Variants in CTPS2 observed in about 807,000 individuals in gnomAD.
CTPS2 encodes CTP synthase II.
CTPS2 carries 19 observed loss-of-function variants against 46.8 expected under a neutral mutation model. The observed-to-expected ratio is 0.41, with a 90% CI of 0.28 to 0.60. The LOEUF is 0.60. Among genes scored for constraint, CTPS2 ranks in the 20% least tolerant of loss-of-function variants. The pLI, the probability that CTPS2 is intolerant of heterozygous loss-of-function variation, is 0.35. For missense variants in CTPS2, 286 were observed against 447.6 expected, an observed-to-expected ratio of 0.64 and a Z score of 3.26; for synonymous variants, 151 against 165.2, an observed-to-expected ratio of 0.91 and a Z score of 0.66.
intron 14 of CTPS2, among the ~76,000 whole-genome samples, chrX:16,632,342 T>C (rs191100211): frequency 8.9e-6 from 1 of 111,979 alleles, no homozygotes; most frequent in Admixed American, 9.5e-5. Context: ...ATAATTTACA[T>C]GCAACTAAAT....
chrX:16,610,931 C>T (rs930054043), intron 16 of CTPS2, among the ~76,000 whole-genome samples: 3 of 111,829 alleles, frequency 2.7e-5, no homozygotes, highest in East Asian at 2.8e-4. Flanking sequence ...CGAATTAACA[C>T]GGAAACAGAA....
intron 13 of CTPS2, among the ~76,000 whole-genome samples, chrX:16,640,516 A>G (rs59016383): frequency 1.8e-5 from 2 of 111,515 alleles, no homozygotes; most frequent in Non-Finnish European, 3.8e-5. Context: ...TGGGAGAGAC[A>G]GTCAATCTTT....
rs764151165 is a variant in CTPS2, at chrX:16,703,618, A to G, written c.-39-677T>C. 6.7e-4 allele frequency among the ~76,000 whole-genome samples: 75 copies of G among 112,053 alleles called. 1 individual carries two copies. The highest frequency in any genetic ancestry group is 1.1e-3 in the Non-Finnish European group (58 of 53,226). Reference sequence around the variant, plus strand: ...AAGATGCTGATTACAAAAGTGAGCCACCATGCTTCGTCTCACCAAAATTTC... The same window carrying G: ...AAGATGCTGATTACAAAAGTGAGCCGCCATGCTTCGTCTCACCAAAATTTC... On this transcript the variant is annotated intron_variant, in intron 1 of 18. Transcript: ENST00000359276.
chrX:16,679,014 T>C (rs773465329), intron 9 of CTPS2, among the ~76,000 whole-genome samples: 4 of 109,857 alleles, frequency 3.6e-5, no homozygotes, highest in East Asian at 2.9e-4. Flanking sequence ...GATAAGCACG[T>C]GTGTGATGGG....
At chrX:16,698,663 G>C (rs761434748) in intron 3 of CTPS2, among the ~76,000 whole-genome samples, 196 of 110,680 alleles carry the variant, frequency 1.8e-3, no homozygotes, top group African/African-American at 5.9e-3. Context: ...CAATTCTCCT[G>C]CCTCAGCCTC....
chrX:16,653,808 C>T (rs1932758010), intron 13 of CTPS2, among the ~76,000 whole-genome samples: 1 of 112,209 alleles, frequency 8.9e-6, no homozygotes, highest in African/African-American at 3.2e-5. Context: ...GGGTTGAGCT[C>T]TGGAGTCAAC....
chrX:16,655,826 T>C (rs927300952), intron 13 of CTPS2, among the ~76,000 whole-genome samples: 3 of 110,170 alleles, frequency 2.7e-5, no homozygotes, highest in African/African-American at 9.9e-5. Context: ...GACAGAGTCT[T>C]GCTCTGTCGC....
chrX:16,701,755 C>T (rs551884144), intron 2 of CTPS2, among the ~76,000 whole-genome samples: 3 of 109,774 alleles, frequency 2.7e-5, no homozygotes, highest in South Asian at 4.0e-4. Context: ...CGCTCGCCAC[C>T]GCGCCCGGCT....
intron 17 of CTPS2, among the ~76,000 whole-genome samples, chrX:16,606,436 C>A (rs185256318): frequency 4.5e-5 from 5 of 111,893 alleles, no homozygotes; most frequent in Admixed American, 2.9e-4. Flanking sequence ...ATAGTCACCA[C>A]CCTCTGTCAG....
At chrX:16,691,432 G>C (rs1411736204) in intron 7 of CTPS2, 108 bp downstream of exon 7, 2 of 641,126 alleles carry the variant, frequency 3.1e-6, no homozygotes, top group Non-Finnish European at 5.1e-6. Flanking sequence ...GGGTTCCCCA[G>C]TGCTTGCATA....
intron 9 of CTPS2, among the ~76,000 whole-genome samples, chrX:16,679,748 C>T (rs1263453486): frequency 9.0e-6 from 1 of 111,309 alleles, no homozygotes; most frequent in East Asian, 2.8e-4. Flanking sequence ...CTCCCTCACC[C>T]CTTCCGCACA....
intron 10 of CTPS2, among the ~76,000 whole-genome samples, chrX:16,672,382 G>A (rs1270330278): frequency 9.0e-6 from 1 of 111,329 alleles, no homozygotes; most frequent in Non-Finnish European, 1.9e-5. Flanking sequence ...GCCTCCCTGA[G>A]CTCTTTGCCT....
upstream of CTPS2, chrX:16,712,904 A>T (rs907598984): frequency 1.7e-4 from 19 of 111,405 alleles, no homozygotes; most frequent in African/African-American, 5.6e-4. Context: ...AGCGCTCAGG[A>T]GAGAAGGAAA....
intron 10 of CTPS2, among the ~76,000 whole-genome samples, chrX:16,671,762 G>A (rs1000320144): frequency 2.7e-5 from 3 of 110,561 alleles, no homozygotes; most frequent in African/African-American, 9.9e-5. Context: ...CAATAAGACC[G>A]CCTCAGCCTC....
intron 13 of CTPS2, among the ~76,000 whole-genome samples, chrX:16,663,826 TA>T (rs1229740666): frequency 9.0e-6 from 1 of 110,695 alleles, no homozygotes; most frequent in Non-Finnish European, 1.9e-5. Flanking sequence ...TTACTCTGTG[TA>T]AAAAAAAATT....
chrX:16,599,756 G>A (rs1368780249), intron 17 of CTPS2, among the ~76,000 whole-genome samples: 3 of 98,170 alleles, frequency 3.1e-5, no homozygotes, highest in East Asian at 3.2e-4. Flanking sequence ...AATAACAGGC[G>A]TGAGCCACCG....
At chrX:16,654,337 G>A (rs2147269642) in intron 13 of CTPS2, 1 of 721,048 alleles carries the variant, frequency 1.4e-6, no homozygotes, top group African/African-American at 2.2e-5. Flanking sequence ...TAATTTCTGA[G>A]AATGTGTAGC....
intron 14 of CTPS2, among the ~76,000 whole-genome samples, chrX:16,637,446 T>C (rs892543328): frequency 7.1e-5 from 8 of 112,382 alleles, no homozygotes; most frequent in African/African-American, 2.6e-4. Flanking sequence ...CTTGAATTCC[T>C]GGGCTCAAGC....
intron 8 of CTPS2, among the ~76,000 whole-genome samples, chrX:16,685,954 T>C (rs1325235399): frequency 2.8e-5 from 3 of 109,086 alleles, no homozygotes; most frequent in African/African-American, 6.7e-5. Context: ...AGGCAAGCTG[T>C]CCCTGTTTAA....
Sources: allele counts gnomAD v4.1 joint callset (sites outside exome capture counted in the v4.1 genomes callset), GRCh38; gene constraint gnomAD v4.1.1; transcripts MANE v1.5; gene names NCBI Gene and HGNC (gene_info 2026-07-23, HGNC 2026-07-21).